ATP8A1: variants seen among roughly 807,000 people sequenced by gnomAD.
ATP8A1 encodes ATPase phospholipid transporting 8A1.
ATP8A1 carries 90 observed loss-of-function variants against 177.7 expected under a neutral mutation model. The observed-to-expected ratio is 0.51, with a 90% CI of 0.43 to 0.60. The LOEUF is 0.60. ATP8A1 is among the 20% of genes least tolerant of loss of function. ATP8A1 has a pLI of 0.00. For synonymous variants in ATP8A1, 493 were observed against 485.9 expected (o/e 1.01, Z -0.19); for missense variants, 1,072 against 1,392.8 (o/e 0.77, Z 3.67).
At chr4:42,581,574 C>G (rs1733079655) in intron 10 of ATP8A1, 47 bp downstream of exon 10, 2 of 1,365,542 alleles carry the variant, frequency 1.5e-6, no homozygotes, top group Admixed American at 1.7e-5. Context: ...AAATCATACA[C>G]TCACAAAAGC....
chr4:42,633,781 C>T (rs1462358474), intron 1 of ATP8A1, among the ~76,000 whole-genome samples: 2 of 149,700 alleles, frequency 1.3e-5, no homozygotes, highest in Non-Finnish European at 3.0e-5. Context: ...GTTGTTATCA[C>T]TGCTAGTGAT....
At chr4:42,588,970 A>G (rs1733896154) in intron 7 of ATP8A1, among the ~76,000 whole-genome samples, 1 of 152,222 alleles carries the variant, frequency 6.6e-6, no homozygotes, top group African/African-American at 2.4e-5. Context: ...AGATTCTCAC[A>G]GCGGTAAAAA....
At chr4:42,584,967 C>T (rs1733472102) in intron 9 of ATP8A1, among the ~76,000 whole-genome samples, 1 of 152,144 alleles carries the variant, frequency 6.6e-6, no homozygotes, top group African/African-American at 2.4e-5. Context: ...TTTCTCTAGG[C>T]CCTTCTTCTA....
intron 15 of ATP8A1, chr4:42,561,947 A>G (rs2153215397): frequency 6.6e-6 from 1 of 152,296 alleles, no homozygotes; most frequent in Non-Finnish European, 1.5e-5. Context: ...AAGGTATTAT[A>G]ATGATGATCT....
chr4:42,611,588 T>C (rs1380147329), intron 5 of ATP8A1, among the ~76,000 whole-genome samples: 1 of 147,550 alleles, frequency 6.8e-6, no homozygotes, highest in East Asian at 1.9e-4. Flanking sequence ...CCAAATACCT[T>C]AGTTTGCACC....
Position 42,507,004 on chromosome 4 carries a change from T to G in ATP8A1, c.2086+12A>C. 6.2e-7 allele frequency: 1 copy of G among 1,612,088 alleles called. No homozygotes were observed. The highest frequency in any genetic ancestry group is 2.2e-5 in the East Asian group (1 of 44,846). On this transcript the variant is annotated intron_variant, in intron 23 of 36. Transcript: ENST00000381668. ...AAGCACCAACATGTAAAATGTGAAC[T>G]AGGTGAATTACCGATGTTAATGGCA...
chr4:42,560,587 A>G (rs1038690417), intron 15 of ATP8A1, among the ~76,000 whole-genome samples: 1 of 151,894 alleles, frequency 6.6e-6, no homozygotes, highest in Non-Finnish European at 1.5e-5. Context: ...AGGAACAGGG[A>G]GGGCAGCTCA....
chr4:42,582,139 C>T (rs113002058), intron 9 of ATP8A1, among the ~76,000 whole-genome samples: 15 of 152,240 alleles, frequency 9.9e-5, no homozygotes, highest in African/African-American at 3.6e-4. Context: ...TACTCTTGTC[C>T]TTGTGAGGAC....
intron 30 of ATP8A1, among the ~76,000 whole-genome samples, chr4:42,450,866 A>G (rs1717860694): frequency 6.6e-6 from 1 of 152,224 alleles, no homozygotes; most frequent in Admixed American, 6.5e-5. Context: ...TACAAAAGAA[A>G]CAAACATATC....
In ATP8A1 at chr4:42,551,313, T is replaced by A. The variant is rs1289892225; in HGVS notation, c.1520-33A>T. 4 of 1,469,866 alleles carry A rather than the reference T, an allele frequency of 2.7e-6. No homozygotes were observed. The Admixed American group carries it at 5.1e-5, about 19-fold the overall frequency. 91.1% of individuals were successfully genotyped at this position (1,469,866 alleles called of 1,614,324 possible). On this transcript the variant is annotated intron_variant, in intron 17 of 36. Coordinates refer to ENST00000381668, the MANE Select transcript of ATP8A1 (RefSeq NM_006095.2). The stretch of plus-strand genomic sequence containing the variant: ...AGAAAAAGAGGTAAAAGCAAACACA[T>A]GATTGAAAAAAAAATATTCTCAGCA...
intron 33 of ATP8A1, among the ~76,000 whole-genome samples, chr4:42,432,448 T>C (rs1355086436): frequency 2.0e-5 from 3 of 152,216 alleles, no homozygotes; most frequent in South Asian, 2.1e-4. Context: ...AAAAGTGTCA[T>C]TAGAATCTGA....
chr4:42,653,173 C>T (rs901934834), intron 1 of ATP8A1, among the ~76,000 whole-genome samples: 1 of 152,218 alleles, frequency 6.6e-6, no homozygotes, highest in South Asian at 2.1e-4. Context: ...CCCAGATCCC[C>T]ACCAGGCCAA....
At position 42,594,414 on chromosome 4, in the gene ATP8A1, A is replaced by T. The variant is rs527341684; in HGVS notation, c.451-3530T>A. On this transcript the variant is annotated intron_variant, in intron 6 of 36. Coordinates refer to ENST00000381668, the MANE Select transcript of ATP8A1 (RefSeq NM_006095.2). ...TTATCTGCATTGAAAGATAGTTACA[A>T]ATATACAACCCATTGTAAAAAGCAT... 3.2e-5 allele frequency: 32 copies of T among 1,008,046 alleles called. 1 individual carries two copies. The South Asian group carries it at 3.8e-4, about 12-fold the overall frequency. 62.4% of individuals were successfully genotyped at this position (1,008,046 alleles called of 1,614,324 possible).
intron 5 of ATP8A1, among the ~76,000 whole-genome samples, chr4:42,609,716 T>C (rs1439647819): frequency 3.9e-5 from 6 of 152,112 alleles, no homozygotes; most frequent in African/African-American, 1.4e-4. Flanking sequence ...CTGTGTGCTT[T>C]CCTTTGTCTT....
chr4:42,566,358 A>C lies in ATP8A1; in HGVS notation c.1340+2803T>G, dbSNP rs1731345939. Among the ~76,000 whole-genome samples the C allele has an allele frequency of 2.0e-5, 3 of 152,192 alleles. No individual in the cohort carries two copies. The South Asian group carries it at 6.2e-4, about 32-fold the overall frequency. On this transcript the variant is annotated intron_variant, in intron 15 of 36. Transcript: ENST00000381668. ...CAGCCATATTGGAATGCCCTTTCAG[A>C]TTTTGGATTTATAGAGTCATCTATA...
In ATP8A1 at chr4:42,412,987, T is replaced by C; in HGVS notation, c.3424A>G (p.Asn1142Asp). Residue 1142 changes from asparagine (N) to aspartate (D), a missense_variant, in exon 37 of 37, where the codon AAT (asparagine) becomes GAT (aspartate). By Grantham distance (23) the Asn-to-Asp change is conservative (BLOSUM62 1). Around this residue, in one of 5 missense-constraint regions of ATP8A1, gnomAD observed 316 missense variants for 459.1 expected, o/e 0.69. Transcript: ENST00000381668. Reference protein sequence around the residue: ...LHGYAFSQDENGIVSQSEVIR... With the variant: ...LHGYAFSQDEDGIVSQSEVIR... ...ACTTCAGACTGTGAAACGATTCCAT[T>C]TTCATCTTGAGAGAACGCATACCCA... 6.2e-7 allele frequency: 1 copy of C among 1,613,458 alleles called. No homozygotes were observed. The highest frequency in any genetic ancestry group is 8.5e-7 in the Non-Finnish European group (1 of 1,179,558).
intron 35 of ATP8A1, among the ~76,000 whole-genome samples, chr4:42,420,458 T>C (rs1713771781): frequency 6.6e-6 from 1 of 152,244 alleles, no homozygotes; most frequent in South Asian, 2.1e-4. Context: ...GGTGGTCATT[T>C]ATGCTGGAAT....
At chr4:42,571,663 T>TCATA (rs1318556191) in intron 14 of ATP8A1, among the ~76,000 whole-genome samples, 1 of 152,202 alleles carries the variant, frequency 6.6e-6, no homozygotes, top group African/African-American at 2.4e-5. Flanking sequence ...CAGTAAAATG[T>TCATA]CTGGTTTGTC....
chr4:42,426,547 G>A lies in ATP8A1; in HGVS notation c.3124-2842C>T, dbSNP rs1714642643. On this transcript the variant is annotated intron_variant, in intron 33 of 36. Transcript: ENST00000381668. ...CTCGGGAAGAAACTTCTCAGTCTCA[G>A]TTTCCTCAGCTGTACAGTGGATTGT... Among the ~76,000 whole-genome samples the A allele has an allele frequency of 2.0e-5, 3 of 152,206 alleles. No individual in the cohort carries two copies. In the South Asian group the frequency reaches 6.2e-4, roughly 31 times the overall value.
Sources: allele counts gnomAD v4.1 joint callset (sites outside exome capture counted in the v4.1 genomes callset), GRCh38; gene constraint gnomAD v4.1.1; regional missense constraint gnomAD v4.1.1; transcripts MANE v1.5; gene names NCBI Gene and HGNC (gene_info 2026-07-23, HGNC 2026-07-21).